Variants in CNTN4 observed in about 807,000 individuals in gnomAD.
The protein encoded by CNTN4 is contactin 4.
CNTN4 carries 77 observed loss-of-function variants against 122.5 expected under a neutral mutation model. That is an observed-to-expected ratio of 0.63 (90% CI 0.52 to 0.76). The LOEUF (loss-of-function observed/expected upper bound fraction) is 0.76, where lower values mean the gene tolerates loss of function less well. CNTN4 is among the 30% of genes least tolerant of loss of function. CNTN4 has a pLI of 0.00. For synonymous variants in CNTN4, 512 were observed against 447.0 expected (o/e 1.15, Z -1.83); for missense variants, 1,256 against 1,259.1 (o/e 1.00, Z 0.04).
intron 13 of CNTN4, among the ~76,000 whole-genome samples, chr3:2,956,612 ATTAT>A (rs1159361972): frequency 1.3e-5 from 2 of 152,058 alleles, no homozygotes. Context: ...CTTATTTTTA[ATTAT>A]TTAATTGATA....
chr3:2,322,013 A>G (rs533985482), intron 2 of CNTN4, among the ~76,000 whole-genome samples: 4 of 152,304 alleles, frequency 2.6e-5, no homozygotes, highest in South Asian at 4.1e-4. Context: ...TATTTATTTT[A>G]TGTGCTTTGG....
chr3:2,381,160 C>T (rs1055619236), intron 3 of CNTN4, among the ~76,000 whole-genome samples: 1 of 152,018 alleles, frequency 6.6e-6, no homozygotes, highest in Non-Finnish European at 1.5e-5. Flanking sequence ...CGCCCGCCAC[C>T]ACACCCGGCT....
At chr3:2,489,041 C>T (rs764051972) in intron 3 of CNTN4, among the ~76,000 whole-genome samples, 17 of 152,222 alleles carry the variant, frequency 1.1e-4, no homozygotes, top group Middle Eastern at 3.4e-3. Flanking sequence ...TGGCATCAAA[C>T]CTCTGTTTTT....
At chr3:3,046,814 A>G (rs1279121887) in intron 23 of CNTN4, among the ~76,000 whole-genome samples, 1 of 139,960 alleles carries the variant, frequency 7.1e-6, no homozygotes, top group Non-Finnish European at 1.6e-5. Flanking sequence ...AAATGCTCCA[A>G]TTAAAAGACA....
chr3:2,746,099 A>ACC (rs2089750243), intron 6 of CNTN4, among the ~76,000 whole-genome samples: 5 of 152,236 alleles, frequency 3.3e-5, no homozygotes, highest in African/African-American at 7.2e-5. Flanking sequence ...ACACACACAC[A>ACC]CACACACACA....
At chr3:2,210,571 A>G (rs561451863) in intron 2 of CNTN4, among the ~76,000 whole-genome samples, 2 of 152,210 alleles carry the variant, frequency 1.3e-5, no homozygotes, top group Non-Finnish European at 2.9e-5. Flanking sequence ...CATTGATAGC[A>G]TGTAAAAATC....
At chr3:2,662,938 T>C (rs2083971695) in intron 4 of CNTN4, among the ~76,000 whole-genome samples, 1 of 151,844 alleles carries the variant, frequency 6.6e-6, no homozygotes, top group Non-Finnish European at 1.5e-5. Context: ...ACATTTGTAT[T>C]TTAGTATACA....
chr3:2,713,993 A>T (rs1480940590), intron 4 of CNTN4, among the ~76,000 whole-genome samples: 3 of 152,196 alleles, frequency 2.0e-5, no homozygotes, highest in Admixed American at 6.5e-5. Context: ...GAAGCCTGTC[A>T]TGGAGACATG....
chr3:2,806,575 C>T (rs533854524), intron 6 of CNTN4, among the ~76,000 whole-genome samples: 32 of 152,284 alleles, frequency 2.1e-4, no homozygotes, highest in African/African-American at 7.5e-4. Flanking sequence ...GTGTGGATTT[C>T]ATATGTCTCC....
chr3:2,417,848 A>G (rs1487756517), intron 3 of CNTN4, among the ~76,000 whole-genome samples: 1 of 152,238 alleles, frequency 6.6e-6, no homozygotes, highest in Non-Finnish European at 1.5e-5. Context: ...GAAGAAACTT[A>G]AATGTGTATT....
intron 2 of CNTN4, among the ~76,000 whole-genome samples, chr3:2,228,457 T>A (rs2039368409): frequency 6.6e-6 from 1 of 152,160 alleles, no homozygotes; most frequent in Non-Finnish European, 1.5e-5. Flanking sequence ...AGAGTCTGTA[T>A]GGCCTGCAAG....
At chr3:2,666,914 A>G (rs1278860999) in intron 4 of CNTN4, among the ~76,000 whole-genome samples, 1 of 152,114 alleles carries the variant, frequency 6.6e-6, no homozygotes, top group African/African-American at 2.4e-5. Flanking sequence ...TACAAAGGAC[A>G]TGAACTCATC....
At chr3:2,819,407 CT>C (rs1195605524) in intron 6 of CNTN4, 78 bp from the exon 7 acceptor site, 1 of 1,128,934 alleles carries the variant, frequency 8.9e-7, no homozygotes, top group African/African-American at 1.5e-5. Flanking sequence ...GAATGATTCT[CT>C]TTTGAAATAG....
rs147937240 is a variant in CNTN4, at chr3:2,703,107, T to C, written c.56-33108T>C. Among the ~76,000 whole-genome samples, 277 of 152,320 alleles carry C rather than the reference T, an allele frequency of 1.8e-3. 1 individual carries two copies. The highest frequency in any genetic ancestry group is 6.1e-3 in the African/African-American group (254 of 41,574). On this transcript the variant is annotated intron_variant, in intron 4 of 24. Transcript: ENST00000418658. ...GCAATAGTTATTCTTATTATCCTAA[T>C]TCTACAGAGGACGAAACGGAGGCAC...
intron 2 of CNTN4, among the ~76,000 whole-genome samples, chr3:2,226,167 C>T (rs983088459): frequency 6.6e-6 from 1 of 152,050 alleles, no homozygotes; most frequent in African/African-American, 2.4e-5. Flanking sequence ...TACCTCCTTG[C>T]TGTATGGTTT....
At chr3:2,383,429 C>T (rs2046106360) in intron 3 of CNTN4, among the ~76,000 whole-genome samples, 1 of 152,262 alleles carries the variant, frequency 6.6e-6, no homozygotes. Context: ...CCTTAATCTT[C>T]CCACAACCCT....
At chr3:2,833,750 C>G (rs1306564578) in intron 7 of CNTN4, among the ~76,000 whole-genome samples, 2 of 152,072 alleles carry the variant, frequency 1.3e-5, no homozygotes, top group African/African-American at 4.8e-5. Flanking sequence ...AAAATAATTC[C>G]AATGACATAA....
chr3:2,715,606 A>C (rs537747170), intron 4 of CNTN4, among the ~76,000 whole-genome samples: 1 of 152,296 alleles, frequency 6.6e-6, no homozygotes, highest in African/African-American at 2.4e-5. Context: ...AATACCATAA[A>C]CTGGGTAGTT....
chr3:2,858,649 G>A (rs528242218), intron 7 of CNTN4, among the ~76,000 whole-genome samples: 39 of 152,114 alleles, frequency 2.6e-4, no homozygotes, highest in African/African-American at 9.2e-4. Flanking sequence ...CTTGAACCCA[G>A]GTGGTGGAGG....
Sources: allele counts gnomAD v4.1 joint callset (sites outside exome capture counted in the v4.1 genomes callset), GRCh38; gene constraint gnomAD v4.1.1; transcripts MANE v1.5; gene names NCBI Gene and HGNC (gene_info 2026-07-23, HGNC 2026-07-21).